CFAP157: variants seen among roughly 807,000 people sequenced by gnomAD.
CFAP157 encodes the protein cilia and flagella associated protein 157.
In CFAP157, 43 loss-of-function variants were observed where a neutral mutation model predicts 57.8. That is an observed-to-expected ratio of 0.74 (90% CI 0.58 to 0.96). CFAP157 has a LOEUF of 0.96. Ranked by LOEUF, CFAP157 falls within the 40% of genes least tolerant of loss-of-function variation. The pLI is 0.00. For synonymous variants in CFAP157, 267 were observed against 269.0 expected (o/e 0.99, Z 0.07); for missense variants, 606 against 655.3 (o/e 0.92, Z 0.82).
chr9:127,710,527 C>T, intron 2 of CFAP157, 74 bp from the exon 3 acceptor site: 1 of 1,513,230 alleles, frequency 6.6e-7, no homozygotes, highest in Non-Finnish European at 8.9e-7. Flanking sequence ...ACCTAAGGGG[C>T]ATCTTTAAGG....
chr9:127,712,648 C>G (rs1325667056), intron 6 of CFAP157, 61 bp from the exon 7 acceptor site: 41 of 1,613,096 alleles, frequency 2.5e-5, no homozygotes, highest in Non-Finnish European at 3.5e-5. Context: ...TTGGAATTTC[C>G]TGGACGAGGG....
At chr9:127,708,793 T>A (rs1842701898) in intron 1 of CFAP157, among the ~76,000 whole-genome samples, 2 of 152,192 alleles carry the variant, frequency 1.3e-5, no homozygotes, top group Admixed American at 6.5e-5. Context: ...CAAATGTGGC[T>A]CAGGGCCAAG....
Position 127,715,353 on chromosome 9 carries a change from T to C in CFAP157, c.*1448T>C, listed in dbSNP as rs1046675126. 46 of 1,228,256 alleles carry C rather than the reference T, an allele frequency of 3.7e-5. No individual in the cohort carries two copies. Among genetic ancestry groups the C allele is most frequent in the Non-Finnish European group, 5.0e-5 (43 of 865,044 alleles). 76.1% of individuals were successfully genotyped at this position (1,228,256 alleles called of 1,614,324 possible). ...GCCCAGAAACCCGACCCCTGAGAACTCCAGAAGGCTGGGCAGGCAGGGCGC... is the reference window on the plus strand; with the variant it reads ...GCCCAGAAACCCGACCCCTGAGAACCCCAGAAGGCTGGGCAGGCAGGGCGC... On this transcript the variant is annotated 3_prime_UTR_variant, in exon 9 of 9. Transcript: ENST00000373295. The surrounding 1 kb of genome is among the most constrained non-coding windows in gnomAD (Gnocchi z 5.8).
At position 127,715,607 on chromosome 9, in the gene CFAP157, C is replaced by T. The variant is rs1435913936; in HGVS notation, c.*1702C>T. On this transcript the variant is annotated 3_prime_UTR_variant, in exon 9 of 9. Coordinates refer to ENST00000373295, the MANE Select transcript of CFAP157 (RefSeq NM_001012502.3). This position sits in a 1 kb window ranked among gnomAD's most constrained non-coding sequence, Gnocchi z 5.8. ...ATCGGCTCATGGCTCTACTCAGCCG[C>T]TGTCCGGCGCCCAAAAAGCCGCCCG... is the stretch of plus-strand genomic sequence containing the variant. 6.2e-7 allele frequency: 1 copy of T among 1,613,030 alleles called. No individual in the cohort carries two copies. Among genetic ancestry groups the T allele is most frequent in the Non-Finnish European group, 8.5e-7 (1 of 1,180,004 alleles).
Position 127,715,753 on chromosome 9 carries a change from G to GGCC in CFAP157, c.*1852_*1854dup. 6.5e-7 allele frequency: 1 copy of GGCC among 1,530,872 alleles called. No individual in the cohort carries two copies. Among genetic ancestry groups the GGCC allele is most frequent in the Non-Finnish European group, 8.7e-7 (1 of 1,144,146 alleles). 94.8% of individuals were successfully genotyped at this position (1,530,872 alleles called of 1,614,324 possible). ...ACGTCCAATCCGGGCCGGGCTACGT[G>GGCC]GCCGCCATGCTTCTGAGGGGCGGAA... On this transcript the variant is annotated 3_prime_UTR_variant, in exon 9 of 9. Coordinates refer to ENST00000373295, the MANE Select transcript of CFAP157 (RefSeq NM_001012502.3). This position sits in a 1 kb window ranked among gnomAD's most constrained non-coding sequence, Gnocchi z 5.8.
At chr9:127,710,549 C>T (rs1842741137) in intron 2 of CFAP157, 52 bp from the exon 3 acceptor site, 4 of 1,550,838 alleles carry the variant, frequency 2.6e-6, no homozygotes, top group Admixed American at 2.0e-5. Flanking sequence ...CCTCGCCAGG[C>T]CCTGTCCTCT....
In CFAP157 at chr9:127,709,422, G is replaced by A. The variant is rs767284002; in HGVS notation, c.162G>A (p.Arg54=). 6.2e-7 allele frequency: 1 copy of A among 1,612,716 alleles called. No homozygotes were observed. The highest frequency in any genetic ancestry group is 1.3e-5 in the African/African-American group (1 of 74,910). The stretch of plus-strand genomic sequence containing the variant: ...GACCACGGCTCTGCCCCTGCCCCAG[G>A]TACCAGCGGAAGTGGGATGAGCTGG... ...QIRDLEDRLA[R]YQRKWDELAV... The change falls in exon 2 of 9, where the codon CGG becomes CGA. Residue 54 remains arginine (R), a splice_region_variant and synonymous_variant. Coordinates refer to ENST00000373295, the MANE Select transcript of CFAP157 (RefSeq NM_001012502.3). The surrounding 1 kb of genome is among the most constrained non-coding windows in gnomAD (Gnocchi z 4.7).
intron 1 of CFAP157, among the ~76,000 whole-genome samples, chr9:127,707,406 T>C (rs1033296846): frequency 3.3e-5 from 5 of 152,130 alleles, no homozygotes; most frequent in Non-Finnish European, 7.4e-5. Context: ...CCTTCCCAGC[T>C]CCTAGAACCC....
At position 127,712,352 on chromosome 9, in the gene CFAP157, G is replaced by A. The variant is rs764169573; in HGVS notation, c.1137+3G>A. On this transcript the variant is annotated splice_donor_region_variant and intron_variant, in intron 6 of 8. Coordinates refer to ENST00000373295, the MANE Select transcript of CFAP157 (RefSeq NM_001012502.3). Reference sequence around the variant, plus strand: ...CCTTCCTACAGAACATTCTGCAGGTGAGCAGAAGGGAGAGAGGGAGGGCGC... The same window carrying A: ...CCTTCCTACAGAACATTCTGCAGGTAAGCAGAAGGGAGAGAGGGAGGGCGC... The A allele has an allele frequency of 2.0e-5, 33 of 1,613,642 alleles. 1 individual carries two copies. Among genetic ancestry groups the A allele is most frequent in the African/African-American group, 1.3e-4 (10 of 75,048 alleles).
Position 127,715,485 on chromosome 9 carries a change from A to C in CFAP157, c.*1580A>C. 1 of 1,610,336 alleles carries C rather than the reference A, an allele frequency of 6.2e-7. No individual in the cohort carries two copies. The highest frequency in any genetic ancestry group is 1.1e-5 in the South Asian group (1 of 90,832). On this transcript the variant is annotated 3_prime_UTR_variant, in exon 9 of 9. Coordinates refer to ENST00000373295, the MANE Select transcript of CFAP157 (RefSeq NM_001012502.3). The surrounding 1 kb of genome is among the most constrained non-coding windows in gnomAD (Gnocchi z 5.8). ...TGGGGGCACTCGGCTCCCGGGACAT[A>C]ATGGCCGAACTGAAGCTAGGGACCG...
chr9:127,714,186 G>A lies in CFAP157; in HGVS notation c.*281G>A, dbSNP rs1173880764. On this transcript the variant is annotated 3_prime_UTR_variant, in exon 9 of 9. Coordinates refer to ENST00000373295, the MANE Select transcript of CFAP157 (RefSeq NM_001012502.3). ...GCTCGATCCAGCAACAGAGGCAGCA[G>A]CTCCTGCTCAGCAGGGGAGAAGCAG... The A allele has an allele frequency of 1.2e-6, 2 of 1,613,890 alleles. No homozygotes were observed. The highest frequency in any genetic ancestry group is 1.3e-5 in the African/African-American group (1 of 74,950).
rs774212928 is a variant in CFAP157, at chr9:127,715,659, A to G, written c.*1754A>G. The G allele has an allele frequency of 4.4e-6, 7 of 1,607,234 alleles. No individual in the cohort carries two copies. The South Asian group carries it at 6.6e-5, about 15-fold the overall frequency. ...CCTCATGCTGCCCCCATTCACTCCGACACCGCCCCCTGACGTCATCACCCC... is the reference window on the plus strand; with the variant it reads ...CCTCATGCTGCCCCCATTCACTCCGGCACCGCCCCCTGACGTCATCACCCC... On this transcript the variant is annotated 3_prime_UTR_variant, in exon 9 of 9. Coordinates refer to ENST00000373295, the MANE Select transcript of CFAP157 (RefSeq NM_001012502.3). The surrounding 1 kb of genome is among the most constrained non-coding windows in gnomAD (Gnocchi z 5.8).
At chr9:127,713,305 A>G (rs768778901) in intron 8 of CFAP157, 99 bp downstream of exon 8, 5 of 926,620 alleles carry the variant, frequency 5.4e-6, no homozygotes, top group Non-Finnish European at 8.0e-6. Context: ...CTGGGGATGT[A>G]ACCAGATCTC....
Position 127,713,973 on chromosome 9 carries a change from C to A in CFAP157, c.*68C>A. On this transcript the variant is annotated 3_prime_UTR_variant, in exon 9 of 9. Coordinates refer to ENST00000373295, the MANE Select transcript of CFAP157 (RefSeq NM_001012502.3). ...TCACAGTCACCCCCACTTTAATCCG[C>A]AGGCAGCCTGGAACAGTCTAGAGGA... 1.3e-6 allele frequency: 2 copies of A among 1,581,418 alleles called. No individual in the cohort carries two copies. Among genetic ancestry groups the A allele is most frequent in the Non-Finnish European group, 1.7e-6 (2 of 1,150,766 alleles).
chr9:127,708,334 G>T (rs112210407), intron 1 of CFAP157, among the ~76,000 whole-genome samples: 5,916 of 152,132 alleles, frequency 0.039, 175 homozygotes, highest in Non-Finnish European at 0.06. Context: ...AAAATTAGCT[G>T]GGCATGGTGG....
At chr9:127,708,694 TAC>T (rs1456703875) in intron 1 of CFAP157, among the ~76,000 whole-genome samples, 1 of 152,128 alleles carries the variant, frequency 6.6e-6, no homozygotes, top group African/African-American at 2.4e-5. Context: ...GCCCTGGGAA[TAC>T]AGAGGTGGAG....
At chr9:127,712,426 G>T (rs866212213) in intron 6 of CFAP157, 77 bp downstream of exon 6, 5 of 1,564,188 alleles carry the variant, frequency 3.2e-6, no homozygotes, top group Middle Eastern at 1.9e-4. Flanking sequence ...CAGAGAAGGG[G>T]CTGCCTCAGG....
chr9:127,714,939 T>TGGGGGGGGG lies in CFAP157; in HGVS notation c.*1036_*1037insGGGGGGGGG. ...CCCCGCGCCCCAACCCCCACCCCCT[T>TGGGGGGGGG]GGCCCGCCCGCCCACCCCTGGCGCT... On this transcript the variant is annotated 3_prime_UTR_variant, in exon 9 of 9. Coordinates refer to ENST00000373295, the MANE Select transcript of CFAP157 (RefSeq NM_001012502.3). 2 of 407,880 alleles carry TGGGGGGGGG rather than the reference T, an allele frequency of 4.9e-6. No homozygotes were observed. Among genetic ancestry groups the TGGGGGGGGG allele is most frequent in the East Asian group, 5.6e-5 (1 of 17,800 alleles). 25.3% of individuals were successfully genotyped at this position (407,880 alleles called of 1,614,324 possible). A position where few individuals can be genotyped will look rare whatever the true frequency, so the allele number is the denominator to read the frequency against.
At chr9:127,708,357 A>G (rs1277111187) in intron 1 of CFAP157, among the ~76,000 whole-genome samples, 7 of 152,070 alleles carry the variant, frequency 4.6e-5, no homozygotes, top group Non-Finnish European at 8.8e-5. Flanking sequence ...GGCGCCTGTA[A>G]TCCCAGCTAC....
Sources: allele counts gnomAD v4.1 joint callset (sites outside exome capture counted in the v4.1 genomes callset), GRCh38; gene constraint gnomAD v4.1.1; non-coding constraint Gnocchi (gnomAD v3.1); transcripts MANE v1.5; gene names NCBI Gene and HGNC (gene_info 2026-07-23, HGNC 2026-07-21).